Variants in DOCK4 observed in about 807,000 individuals in gnomAD.
DOCK4 encodes dedicator of cytokinesis protein 4.
A neutral mutation model predicts 268.1 loss-of-function variants in DOCK4; 97 were observed. The ratio of observed to expected loss-of-function variants is 0.36; its 90% confidence interval spans 0.31 to 0.43. DOCK4 has a LOEUF of 0.43. Among genes scored for constraint, DOCK4 ranks in the 20% least tolerant of loss-of-function variants. The pLI, the probability that DOCK4 is intolerant of heterozygous loss-of-function variation, is 1.00. For synonymous variants in DOCK4, 954 were observed against 887.2 expected (o/e 1.08, Z -1.34); for missense variants, 2,145 against 2,455.7 (o/e 0.87, Z 2.67).
intron 47 of DOCK4, chr7:111,740,099 C>CT (rs770797415): frequency 8.7e-5 from 39 of 446,076 alleles, no homozygotes; most frequent in South Asian, 3.1e-5. Context: ...CAAATCATGT[C>CT]TTTTTTTCTT....
intron 8 of DOCK4, among the ~76,000 whole-genome samples, chr7:111,948,075 T>C (rs1035542324): frequency 6.6e-6 from 1 of 152,184 alleles, no homozygotes; most frequent in Non-Finnish European, 1.5e-5. Context: ...AGAATTCATC[T>C]TGGGACAAAG....
intron 1 of DOCK4, among the ~76,000 whole-genome samples, chr7:112,157,316 G>A (rs146613686): frequency 1.0e-3 from 155 of 152,126 alleles, no homozygotes; most frequent in Non-Finnish European, 1.8e-3. Flanking sequence ...ACCTTGTAGC[G>A]GCCATGGGAG....
intron 1 of DOCK4, among the ~76,000 whole-genome samples, chr7:112,175,249 TATA>T (rs1457826738): frequency 6.6e-6 from 1 of 152,188 alleles, no homozygotes; most frequent in Admixed American, 6.6e-5. Context: ...CAAAGTGTCC[TATA>T]ATGACATTTG....
intron 1 of DOCK4, among the ~76,000 whole-genome samples, chr7:112,133,251 T>G (rs1186773424): frequency 6.6e-6 from 1 of 151,842 alleles, no homozygotes; most frequent in African/African-American, 2.4e-5. Flanking sequence ...GCAGGGATAG[T>G]TCTTCCTAGC....
intron 27 of DOCK4, among the ~76,000 whole-genome samples, chr7:111,818,855 T>G (rs985725332): frequency 1.3e-5 from 2 of 152,226 alleles, no homozygotes; most frequent in Admixed American, 6.5e-5. Flanking sequence ...TGTTACCCCC[T>G]GCTAAGCTTT....
chr7:112,018,179 A>AAAAAAAAAAAAAAC, intron 1 of DOCK4, among the ~76,000 whole-genome samples: 1 of 72,628 alleles, frequency 1.4e-5, no homozygotes, highest in African/African-American at 5.4e-5. Context: ...AAAAAAAAAA[A>AAAAAAAAAAAAAAC]ACACAGGCAA....
intron 16 of DOCK4, among the ~76,000 whole-genome samples, chr7:111,895,195 A>G (rs1808640760): frequency 6.6e-6 from 1 of 152,198 alleles, no homozygotes; most frequent in African/African-American, 2.4e-5. Flanking sequence ...AAATACAGCC[A>G]CTTCTCTGCC....
At chr7:112,090,499 T>C (rs1198738607) in intron 1 of DOCK4, among the ~76,000 whole-genome samples, 2 of 152,216 alleles carry the variant, frequency 1.3e-5, no homozygotes, top group African/African-American at 4.8e-5. Flanking sequence ...TGAAATAATC[T>C]AGTCATCTGC....
intron 1 of DOCK4, among the ~76,000 whole-genome samples, chr7:112,198,360 G>C (rs144377352): frequency 1.3e-5 from 2 of 152,252 alleles, no homozygotes; most frequent in South Asian, 4.1e-4. Flanking sequence ...CTAGCCTGCG[G>C]AACTGTGAGA....
chr7:111,823,825 T>C (rs1301276964), intron 26 of DOCK4, among the ~76,000 whole-genome samples: 1 of 152,194 alleles, frequency 6.6e-6, no homozygotes, highest in African/African-American at 2.4e-5. Context: ...CAATGACACA[T>C]TACGTTAAAC....
intron 47 of DOCK4, chr7:111,739,726 T>G: frequency 4.0e-6 from 2 of 495,898 alleles, no homozygotes; most frequent in South Asian, 4.3e-5. Flanking sequence ...TTCGTACCAG[T>G]TAGCAGTGCA....
intron 1 of DOCK4, among the ~76,000 whole-genome samples, chr7:112,082,943 AC>A (rs1226631817): frequency 6.6e-6 from 1 of 152,168 alleles, no homozygotes; most frequent in African/African-American, 2.4e-5. Flanking sequence ...CCACTTTATT[AC>A]TTTTAATGTA....
intron 23 of DOCK4, 189 bp downstream of exon 23, chr7:111,863,183 C>A: frequency 1.6e-6 from 1 of 621,026 alleles, no homozygotes; most frequent in Non-Finnish European, 2.8e-6. Context: ...TTCATTCTTT[C>A]CAGAAATAAA....
chr7:112,030,844 G>C (rs1803212822), intron 1 of DOCK4, among the ~76,000 whole-genome samples: 1 of 152,166 alleles, frequency 6.6e-6, no homozygotes. Context: ...CTTTTTAAAA[G>C]CAAGTTTGAA....
intron 10 of DOCK4, among the ~76,000 whole-genome samples, chr7:111,942,593 TCCTGACTCATCCCGGTCACCTGCTTTGA>T (rs1795298830): frequency 1.3e-5 from 2 of 152,162 alleles, no homozygotes; most frequent in South Asian, 4.2e-4. Flanking sequence ...ACCTGCTCTG[TCCTGACTCATCCCGGTCACCTGCTTTGA>T]CCTGAGTCAC....
chr7:111,907,618 A>G (rs1370817713), intron 13 of DOCK4, among the ~76,000 whole-genome samples: 1 of 152,150 alleles, frequency 6.6e-6, no homozygotes, highest in Admixed American at 6.5e-5. Flanking sequence ...AAAGACCACC[A>G]TCTCCTCGCA....
At chr7:111,943,200 A>G (rs1352963657) in intron 10 of DOCK4, among the ~76,000 whole-genome samples, 2 of 152,352 alleles carry the variant, frequency 1.3e-5, no homozygotes, top group Non-Finnish European at 1.5e-5. Flanking sequence ...CTGACTCAAC[A>G]TTCATTTTAA....
chr7:111,863,631 A>C, intron 22 of DOCK4, 67 bp from the exon 23 acceptor site: 2 of 1,451,668 alleles, frequency 1.4e-6, no homozygotes, highest in Non-Finnish European at 1.8e-6. Flanking sequence ...GCAAAACGTC[A>C]GTGAGTTTAA....
intron 51 of DOCK4, among the ~76,000 whole-genome samples, chr7:111,734,606 A>G (rs1337208814): frequency 2.0e-5 from 3 of 152,252 alleles, no homozygotes; most frequent in Non-Finnish European, 2.9e-5. Context: ...ATACAAAGTT[A>G]ATGACTCTGA....
Sources: gnomAD v4.1 joint callset for allele counts (sites outside exome capture counted in the v4.1 genomes callset) on GRCh38, gnomAD v4.1.1 for gene constraint, MANE v1.5 for transcripts, NCBI Gene and HGNC (gene_info 2026-07-23, HGNC 2026-07-21) for gene names.